The following MUC5B variants were observed in gnomAD, a reference collection of about 807,000 sequenced individuals.
MUC5B encodes the protein mucin-5B.
Under a neutral mutation model 376.9 loss-of-function variants are expected in MUC5B, and 116 were observed. The ratio of observed to expected loss-of-function variants is 0.31; its 90% CI spans 0.26 to 0.36. The LOEUF (loss-of-function observed/expected upper bound fraction) is 0.36. Ranked by LOEUF, MUC5B falls within the 10% of genes least tolerant of loss-of-function variation. MUC5B has a pLI of 1.00. For missense variants in MUC5B, 7,165 were observed against 7,769.9 expected (o/e 0.92, Z 2.93); for synonymous variants, 3,517 against 3,390.9 (o/e 1.04, Z -1.29).
Position 1,226,748 on chromosome 11 carries a change from C to A in MUC5B, c.333C>A (p.Tyr111Ter). ...YVFSEHCRAAYEDFNVQLRRG... is the reference protein window; with the variant it reads ...YVFSEHCRAA ...TCTCTGAGCACTGCCGCGCCGCCTA[C>A]GAGGACTTCAACGTCCAGCTACGCC... The change falls in exon 4 of 49, where the codon TAC becomes TAA. Residue 111 changes from tyrosine to a stop codon, truncating the protein, a stop_gained. Transcript: ENST00000529681. LOFTEE classifies it high-confidence loss of function. 6.2e-7 allele frequency: 1 copy of A among 1,612,774 alleles called. No homozygotes were observed. Among genetic ancestry groups the A allele is most frequent in the Non-Finnish European group, 8.5e-7 (1 of 1,179,842 alleles).
At position 1,258,838 on chromosome 11, in the gene MUC5B, C is replaced by T; in HGVS notation, c.16594-104C>T. On this transcript the variant is annotated intron_variant, in intron 43 of 48. Coordinates refer to ENST00000529681, the MANE Select transcript of MUC5B (RefSeq NM_002458.3). This position sits in a 1 kb window ranked among gnomAD's most constrained non-coding sequence, Gnocchi z 5.5. ...AGCCAGGGGTGCATCTATGCTCCAT[C>T]TGAGGAAGGAACAACTCCCTGCAGG... is the stretch of plus-strand genomic sequence containing the variant. 6.8e-7 allele frequency: 1 copy of T among 1,462,858 alleles called. No individual in the cohort carries two copies. Among genetic ancestry groups the T allele is most frequent in the Non-Finnish European group, 9.2e-7 (1 of 1,090,086 alleles). 90.6% of individuals were successfully genotyped at this position (1,462,858 alleles called of 1,614,324 possible).
At chr11:1,239,061 G>C (rs1862219663) in intron 26 of MUC5B, 34 bp downstream of exon 26, 1 of 1,560,028 alleles carries the variant, frequency 6.4e-7, no homozygotes, top group Admixed American at 1.9e-5. Flanking sequence ...GCTGAAGGGT[G>C]GAGCTGCTGG....
rs1309667938 is a variant in MUC5B at position 1,249,145 on chromosome 11, C to T, written c.12265C>T (p.His4089Tyr). 2 of 1,611,088 alleles carry T rather than the reference C, an allele frequency of 1.2e-6. No homozygotes were observed. The highest frequency in any genetic ancestry group is 2.2e-5 in the East Asian group (1 of 44,838). The change falls in exon 31 of 49, where the codon CAC (histidine) becomes TAC (tyrosine). Residue 4089 changes from histidine (H) to tyrosine (Y), a missense_variant. His to Tyr is a moderately conservative substitution (Grantham distance 83, BLOSUM62 2). Around this residue, in one of 31 missense-constraint regions of MUC5B, gnomAD observed 85 missense variants for 78.2 expected, o/e 1.09. Coordinates refer to ENST00000529681, the MANE Select transcript of MUC5B (RefSeq NM_002458.3). ...PPSPGTTTPG[H>Y]TTATSRTTAT... ...TTCCCCAGGGACGACCACCCCGGGC[C>T]ACACCACGGCCACCTCCAGGACCAC...
chr11:1,259,847 C>T lies in MUC5B; in HGVS notation c.16800+5C>T, dbSNP rs748568194. 6.2e-7 allele frequency: 1 copy of T among 1,612,502 alleles called. No individual in the cohort carries two copies. Among genetic ancestry groups the T allele is most frequent in the Non-Finnish European group, 8.5e-7 (1 of 1,179,670 alleles). ...CCCGATGGCCAGCCAGTCCAGGTAA[C>T]AGCAGAGGCATGTGGGGGCAGGTCT... On this transcript the variant is annotated splice_donor_5th_base_variant and intron_variant, in intron 45 of 48. Transcript: ENST00000529681.
chr11:1,242,601 C>G lies in MUC5B; in HGVS notation c.5721C>G (p.Leu1907=), dbSNP rs755948967. ...CAACTCCGGGGACGACCTGGATCCT[C>G]ACAAAGCCGACCACAACAGCCACTA... ...PSSTPGTTWI[L]TKPTTTATTT... Residue 1907 remains leucine (L), a synonymous_variant, in exon 31 of 49, where the codon CTC becomes CTG. Transcript: ENST00000529681. 1 of 1,613,808 alleles carries G rather than the reference C, an allele frequency of 6.2e-7. No individual in the cohort carries two copies. The highest frequency in any genetic ancestry group is 2.2e-5 in the East Asian group (1 of 44,868).
rs1015843739 is a variant in MUC5B, at chr11:1,230,045, T to C, written c.1261T>C (p.Cys421Arg). ...GCTATGGCAGTGCCAGGACCTGCCGTGCCCTGGCACCTGCTCTGTGCAGGG... is the reference window on the plus strand; with the variant it reads ...GCTATGGCAGTGCCAGGACCTGCCGCGCCCTGGCACCTGCTCTGTGCAGGG... ...GGLWQCQDLP[C>R]PGTCSVQGGA... Residue 421 changes from cysteine to arginine, a missense_variant, in exon 11 of 49, where the codon TGC becomes CGC. Cys to Arg is a radical substitution (Grantham distance 180). Coordinates refer to ENST00000529681, the MANE Select transcript of MUC5B (RefSeq NM_002458.3). The C allele has an allele frequency of 6.2e-7, 1 of 1,610,334 alleles. No individual in the cohort carries two copies. The highest frequency in any genetic ancestry group is 8.5e-7 in the Non-Finnish European group (1 of 1,178,898).
rs1291008332 is a variant in MUC5B at position 1,225,562 on chromosome 11, C to T, written c.71-119C>T. ...AGGGTGAACCTGCAGGGCATGGAGA[C>T]CGCCACCAAGGACCCCACATGCGGC... is the stretch of plus-strand genomic sequence containing the variant. On this transcript the variant is annotated intron_variant, in intron 1 of 48. Coordinates refer to ENST00000529681, the MANE Select transcript of MUC5B (RefSeq NM_002458.3). 5.7e-6 allele frequency: 5 copies of T among 878,746 alleles called. No homozygotes were observed. The South Asian group carries it at 6.8e-5, about 12-fold the overall frequency. 54.4% of individuals were successfully genotyped at this position (878,746 alleles called of 1,614,324 possible).
At chr11:1,261,141 TG>T (rs1862986434) in intron 48 of MUC5B, among the ~76,000 whole-genome samples, 1 of 152,100 alleles carries the variant, frequency 6.6e-6, no homozygotes, top group Non-Finnish European at 1.5e-5. Flanking sequence ...TCAGCAGGAT[TG>T]GAGGAGCTGG....
In MUC5B at chr11:1,234,720, C is replaced by A. The variant is rs565670715; in HGVS notation, c.2630+40C>A. ...TCTCGGAGGCAGCAGGTGGGGAGGG[C>A]GGGGGCGGGGAGGGCAGCGGGTGGG... On this transcript the variant is annotated intron_variant, in intron 21 of 48. Transcript: ENST00000529681. This position sits in a 1 kb window ranked among gnomAD's most constrained non-coding sequence, Gnocchi z 6.3. 3 of 48,766 alleles carry A rather than the reference C, an allele frequency of 6.2e-5. No homozygotes were observed. The highest frequency in any genetic ancestry group is 4.6e-4 in the South Asian group (1 of 2,156). The allele number at this position is 48,766 out of a possible 1,614,324, so 3.0% of individuals were successfully genotyped here. A position where few individuals can be genotyped will look rare whatever the true frequency, so the allele number is the denominator to read the frequency against.
At position 1,248,148 on chromosome 11, in the gene MUC5B, G is replaced by C. The variant is rs759928131; in HGVS notation, c.11268G>C (p.Thr3756=). The C allele has an allele frequency of 1.9e-6, 3 of 1,590,886 alleles. No individual in the cohort carries two copies. The highest frequency in any genetic ancestry group is 3.4e-5 in the Admixed American group (2 of 58,856). Residue 3756 remains threonine (T), a synonymous_variant, in exon 31 of 49, where the codon ACG becomes ACC. Coordinates refer to ENST00000529681, the MANE Select transcript of MUC5B (RefSeq NM_002458.3). ...ATAGTPHVST[T]ATTPTVTSSK... Reference sequence around the variant, plus strand: ...CTGGCACCCCACATGTGAGCACCACGGCCACGACACCCACAGTCACCAGCT... The same window carrying C: ...CTGGCACCCCACATGTGAGCACCACCGCCACGACACCCACAGTCACCAGCT...
Position 1,242,896 on chromosome 11 carries a change from T to C in MUC5B, c.6016T>C (p.Ser2006Pro), listed in dbSNP as rs1443759745. 2.5e-6 allele frequency: 4 copies of C among 1,612,688 alleles called. No individual in the cohort carries two copies. Among genetic ancestry groups the C allele is most frequent in the African/African-American group, 2.7e-5 (2 of 74,524 alleles). ...GACCACCACACCCACGGCCACCATG[T>C]CCACAGCCACACCCTCCTCCACTCC... is the stretch of plus-strand genomic sequence containing the variant. The part of the protein sequence containing the change: ...SQTTTPTATM[S>P]TATPSSTPET... The change falls in exon 31 of 49, where the codon TCC (serine) becomes CCC (proline). Residue 2006 changes from serine to proline, a missense_variant. This residue lies in a region of MUC5B where 897 missense variants were observed against 779.6 expected (regional missense o/e 1.15). Coordinates refer to ENST00000529681, the MANE Select transcript of MUC5B (RefSeq NM_002458.3).
chr11:1,243,703 C>T lies in MUC5B; in HGVS notation c.6823C>T (p.His2275Tyr). The T allele has an allele frequency of 6.2e-7, 1 of 1,611,422 alleles. No individual in the cohort carries two copies. The highest frequency in any genetic ancestry group is 2.2e-5 in the East Asian group (1 of 44,818). ...PPSPGTTTPG[H>Y]TTATSRTTAT... ...TTCTCCAGGGACGACCACCCCGGGC[C>T]ACACCACGGCCACCTCCAGGACCAC... The change falls in exon 31 of 49, where the codon CAC becomes TAC. Residue 2275 changes from histidine (H) to tyrosine (Y), a missense_variant. Physicochemically the swap from His to Tyr is moderately conservative, Grantham distance 83. This residue lies in a region of MUC5B where 79 missense variants were observed against 63.0 expected (regional missense o/e 1.25). Transcript: ENST00000529681.
Position 1,241,766 on chromosome 11 carries a change from C to A in MUC5B, c.4886C>A (p.Ser1629Ter). Residue 1629 changes from serine to a stop codon, truncating the protein, a stop_gained, in exon 31 of 49, where the codon TCA becomes TAA. Transcript: ENST00000529681. LOFTEE classifies it high-confidence loss of function. ...ACCACCACCACCCAGGCCCTGTTCT[C>A]AACGCCGCAGCCTACGAGTAGCCCG... ...ATTTTTQALF[S>*]TPQPTSSPGL... The A allele has an allele frequency of 6.2e-7, 1 of 1,612,290 alleles. No individual in the cohort carries two copies. The highest frequency in any genetic ancestry group is 2.2e-5 in the East Asian group (1 of 44,820).
Position 1,250,348 on chromosome 11 carries a change from G to C in MUC5B, c.13468G>C (p.Val4490Leu). ...GAGCACCACGGCCACGACACCCACAGTCACCAGCTCCAAAGCCACTCCCTC... is the reference window on the plus strand; with the variant it reads ...GAGCACCACGGCCACGACACCCACACTCACCAGCTCCAAAGCCACTCCCTC... ...HVSTTATTPT[V>L]TSSKATPSSS... is the part of the protein sequence containing the mutation. The change falls in exon 31 of 49, where the codon GTC (valine) becomes CTC (leucine). Residue 4490 changes from valine (V) to leucine (L), a missense_variant. Physicochemically the swap from Val to Leu is conservative, Grantham distance 32. Transcript: ENST00000529681. 1 of 1,613,186 alleles carries C rather than the reference G, an allele frequency of 6.2e-7. No individual in the cohort carries two copies. The highest frequency in any genetic ancestry group is 1.3e-5 in the African/African-American group (1 of 74,832).
In MUC5B at chr11:1,249,687, G is replaced by A. The variant is rs543375282; in HGVS notation, c.12807G>A (p.Pro4269=). The change falls in exon 31 of 49, where the codon CCG becomes CCA. Residue 4269 remains proline, a synonymous_variant. Transcript: ENST00000529681. ...TTASTGSTAT[P]SSTPGTAPPP... ...CATCCACTGGATCCACGGCCACCCC[G>A]TCCTCCACCCCGGGAACAGCTCCCC... is the stretch of plus-strand genomic sequence containing the variant. The A allele has an allele frequency of 1.3e-4, 204 of 1,607,852 alleles. 7 individuals carry two copies. Among genetic ancestry groups the A allele is most frequent in the South Asian group, 1.2e-3 (112 of 90,886 alleles).
intron 7 of MUC5B, 32 bp from the exon 8 acceptor site, chr11:1,228,532 G>T (rs1462367891): frequency 1.3e-6 from 2 of 1,487,358 alleles, no homozygotes; most frequent in East Asian, 5.0e-5. Context: ...TGGATGGCAG[G>T]GGTGCCCAGC....
In MUC5B at chr11:1,226,201, A is replaced by C; in HGVS notation, c.128-4A>C. The C allele has an allele frequency of 6.5e-7, 1 of 1,549,542 alleles. No homozygotes were observed. Among genetic ancestry groups the C allele is most frequent in the Non-Finnish European group, 8.7e-7 (1 of 1,148,150 alleles). ...TTCCTGGGGTGACCAGCCTTCACCC[A>C]CAGGTGCCCCGACGTCCTCGCCCAC... On this transcript the variant is annotated splice_region_variant and splice_polypyrimidine_tract_variant and intron_variant, in intron 2 of 48. Coordinates refer to ENST00000529681, the MANE Select transcript of MUC5B (RefSeq NM_002458.3).
chr11:1,229,642 G>T, intron 9 of MUC5B, 48 bp from the exon 10 acceptor site: 1 of 1,464,600 alleles, frequency 6.8e-7, no homozygotes, highest in Non-Finnish European at 9.2e-7. Context: ...TTCTGACCTT[G>T]GTGTCCCCCG....
At position 1,248,198 on chromosome 11, in the gene MUC5B, C is replaced by T; in HGVS notation, c.11318C>T (p.Pro3773Leu). 1 of 1,595,816 alleles carries T rather than the reference C, an allele frequency of 6.3e-7. No individual in the cohort carries two copies. Among genetic ancestry groups the T allele is most frequent in the East Asian group, 2.2e-5 (1 of 44,590 alleles). Residue 3773 changes from proline to leucine, a missense_variant, in exon 31 of 49, where the codon CCA (proline) becomes CTA (leucine). Around this residue, in one of 31 missense-constraint regions of MUC5B, gnomAD observed 72 missense variants for 127.8 expected, o/e 0.56. Transcript: ENST00000529681. ...TSSKATPFSS[P>L]GTATALPALR... ...TCCAAAGCCACTCCCTTCTCCAGTCCAGGGACTGCAACCGCCCTTCCAGCA... is the reference window on the plus strand; with the variant it reads ...TCCAAAGCCACTCCCTTCTCCAGTCTAGGGACTGCAACCGCCCTTCCAGCA...
Sources: gnomAD v4.1 joint callset for allele counts (sites outside exome capture counted in the v4.1 genomes callset) on GRCh38, gnomAD v4.1.1 for gene constraint, gnomAD v4.1.1 regional missense constraint, Gnocchi (gnomAD v3.1) non-coding constraint, MANE v1.5 for transcripts, NCBI Gene and HGNC (gene_info 2026-07-23, HGNC 2026-07-21) for gene names.